Variants in IQCH observed in about 807,000 individuals in gnomAD.
The protein encoded by IQCH is IQ domain-containing protein H.
Under a neutral mutation model 117.0 loss-of-function variants are expected in IQCH, and 98 were observed. The observed-to-expected ratio is 0.84, with a 90% CI of 0.71 to 0.99. The LOEUF is 0.99. IQCH is among the 50% of genes least tolerant of loss of function. IQCH has a pLI of 0.00. For missense variants in IQCH, 1,102 were observed against 1,243.8 expected (o/e 0.89, Z 1.72); for synonymous variants, 412 against 448.2 (o/e 0.92, Z 1.02).
chr15:67,495,574 C>T lies in IQCH; in HGVS notation c.2970+1208C>T, dbSNP rs544862348. Among the ~76,000 whole-genome samples, 3 of 152,288 alleles carry T rather than the reference C, an allele frequency of 2.0e-5. No homozygotes were observed. In the South Asian group the frequency reaches 6.2e-4, roughly 32 times the overall value. On this transcript the variant is annotated intron_variant, in intron 20 of 20. Transcript: ENST00000335894. Reference sequence around the variant, plus strand: ...TTAGTGCCATGTGCAAAACTTTGAGCCTCTCTGCATTTCATCCATTCAGCC... The same window carrying T: ...TTAGTGCCATGTGCAAAACTTTGAGTCTCTCTGCATTTCATCCATTCAGCC...
intron 16 of IQCH, among the ~76,000 whole-genome samples, chr15:67,451,714 G>C (rs2064069553): frequency 6.6e-6 from 1 of 152,190 alleles, no homozygotes; most frequent in Non-Finnish European, 1.5e-5. Context: ...ATTTGGGGTG[G>C]AGAGTTCTGT....
intron 4 of IQCH, among the ~76,000 whole-genome samples, chr15:67,313,429 C>A (rs2140567780): frequency 6.6e-6 from 1 of 152,148 alleles, no homozygotes; most frequent in African/African-American, 2.4e-5. Flanking sequence ...TATGTGACTC[C>A]CAGATTAATG....
At chr15:67,377,056 G>T (rs1417108052) in intron 10 of IQCH, among the ~76,000 whole-genome samples, 2 of 149,656 alleles carry the variant, frequency 1.3e-5, no homozygotes, top group Non-Finnish European at 3.0e-5. Flanking sequence ...GGCGGAGGTT[G>T]CAGTGAGCCG....
intron 8 of IQCH, among the ~76,000 whole-genome samples, chr15:67,362,324 A>G (rs183960336): frequency 4.6e-4 from 70 of 152,282 alleles, no homozygotes; most frequent in Middle Eastern, 3.4e-3. Flanking sequence ...GAAGAAAAAT[A>G]TAAAAGAAAA....
intron 16 of IQCH, among the ~76,000 whole-genome samples, chr15:67,448,976 G>A (rs1596398789): frequency 1.3e-5 from 2 of 152,324 alleles, no homozygotes; most frequent in South Asian, 4.1e-4. Context: ...GATGGCCAGT[G>A]ATGATGAGCA....
chr15:67,374,563 C>T (rs1970674239), intron 10 of IQCH, among the ~76,000 whole-genome samples: 1 of 152,086 alleles, frequency 6.6e-6, no homozygotes, highest in African/African-American at 2.4e-5. Flanking sequence ...GCAATCTTTT[C>T]TAGACTCTGG....
At chr15:67,377,129 A>G (rs1003129794) in intron 10 of IQCH, among the ~76,000 whole-genome samples, 1 of 151,152 alleles carries the variant, frequency 6.6e-6, no homozygotes, top group African/African-American at 2.4e-5. Context: ...AAAAAAAAAA[A>G]AAGAAAAAAA....
intron 6 of IQCH, among the ~76,000 whole-genome samples, chr15:67,351,753 A>G (rs908871379): frequency 6.6e-6 from 1 of 152,194 alleles, no homozygotes; most frequent in Non-Finnish European, 1.5e-5. Flanking sequence ...GCTTTTTAGC[A>G]TAAATAGCAT....
chr15:67,385,819 T>C lies in IQCH; in HGVS notation c.1456+800T>C, dbSNP rs1205346186. Among the ~76,000 whole-genome samples, 1 of 152,218 alleles carries C rather than the reference T, an allele frequency of 6.6e-6. No individual in the cohort carries two copies. Among genetic ancestry groups the C allele is most frequent in the African/African-American group, 2.4e-5 (1 of 41,464 alleles). The stretch of plus-strand genomic sequence containing the variant: ...TTGTATTAGTTACCAAATAAGAACT[T>C]CTTTGCTTTGTTAAAATACAATTTC... On this transcript the variant is annotated intron_variant, in intron 11 of 20. Coordinates refer to ENST00000335894, the MANE Select transcript of IQCH (RefSeq NM_001031715.3). This position sits in a 1 kb window ranked among gnomAD's most constrained non-coding sequence, Gnocchi z 4.6.
rs1425369345 is a variant in IQCH, at chr15:67,413,916, T to C, written c.2098-3015T>C. ...AAGCGTCAAAGCAGAATGGCTGGCT[T>C]TGTGATCAGAGGCGGTGGCAGAAGC... On this transcript the variant is annotated intron_variant, in intron 14 of 20. Coordinates refer to ENST00000335894, the MANE Select transcript of IQCH (RefSeq NM_001031715.3). The surrounding 1 kb of genome is among the most constrained non-coding windows in gnomAD (Gnocchi z 5.0). Among the ~76,000 whole-genome samples the C allele has an allele frequency of 6.6e-6, 1 of 152,138 alleles. No homozygotes were observed. The highest frequency in any genetic ancestry group is 2.4e-5 in the African/African-American group (1 of 41,438).
intron 5 of IQCH, among the ~76,000 whole-genome samples, chr15:67,339,675 C>A (rs546569889): frequency 9.2e-5 from 14 of 152,284 alleles, no homozygotes; most frequent in African/African-American, 3.4e-4. Context: ...TATTCTAAAA[C>A]TTAAAAAAAT....
At chr15:67,275,019 A>G (rs148467642) in intron 3 of IQCH, among the ~76,000 whole-genome samples, 1,613 of 152,272 alleles carry the variant, frequency 0.011, 17 homozygotes, top group Middle Eastern at 0.041. Context: ...TGTGGAACAT[A>G]CTTTCTACAG....
At chr15:67,262,088 CA>C (rs34871379) in intron 2 of IQCH, among the ~76,000 whole-genome samples, 2,235 of 147,140 alleles carry the variant, frequency 0.015, 54 homozygotes, top group African/African-American at 0.049. Flanking sequence ...GACTCTGTCT[CA>C]AAAAAAAAAA....
chr15:67,334,313 G>A (rs1968797635), intron 4 of IQCH, among the ~76,000 whole-genome samples: 1 of 152,060 alleles, frequency 6.6e-6, no homozygotes, highest in African/African-American at 2.4e-5. Flanking sequence ...CATAAAGCTG[G>A]TTTCTTTAAT....
intron 6 of IQCH, among the ~76,000 whole-genome samples, chr15:67,351,379 TG>T (rs1969656687): frequency 6.6e-6 from 1 of 152,198 alleles, no homozygotes; most frequent in Admixed American, 6.5e-5. Flanking sequence ...CTGAAGGTGA[TG>T]GTTTGAATAG....
chr15:67,399,988 G>T (rs1971589811), intron 13 of IQCH, 126 bp from the exon 14 acceptor site: 1 of 674,944 alleles, frequency 1.5e-6, no homozygotes, highest in Non-Finnish European at 2.5e-6. Context: ...ATAACTAGAA[G>T]ATAACCAAAT....
chr15:67,429,472 C>T lies in IQCH; in HGVS notation c.2505+7895C>T, dbSNP rs1055137716. On this transcript the variant is annotated intron_variant, in intron 16 of 20. Transcript: ENST00000335894. ...GATTGAGGCTGCAGTGAGCCATGAT[C>T]GTGCCACTGCACTCCAGCTTGAGCA... 3.9e-5 allele frequency among the ~76,000 whole-genome samples: 6 copies of T among 152,250 alleles called. No homozygotes were observed. In the East Asian group the frequency reaches 9.6e-4, roughly 24 times the overall value.
At position 67,459,434 on chromosome 15, in the gene IQCH, C is replaced by T. The variant is rs1405363313; in HGVS notation, c.2506-5693C>T. On this transcript the variant is annotated intron_variant, in intron 16 of 20. Coordinates refer to ENST00000335894, the MANE Select transcript of IQCH (RefSeq NM_001031715.3). The surrounding 1 kb of genome is among the most constrained non-coding windows in gnomAD (Gnocchi z 4.2). ...TGTAGGGCCTGAGCACATCTGCCCA[C>T]ATCTGCGTGCTCTGCCACCCATTCA... Among the ~76,000 whole-genome samples, 2 of 152,200 alleles carry T rather than the reference C, an allele frequency of 1.3e-5. No individual in the cohort carries two copies. The highest frequency in any genetic ancestry group is 4.8e-5 in the African/African-American group (2 of 41,456).
intron 12 of IQCH, among the ~76,000 whole-genome samples, chr15:67,389,275 G>A (rs1971205339): frequency 6.6e-6 from 1 of 152,154 alleles, no homozygotes; most frequent in South Asian, 2.1e-4. Context: ...TTTATAACAT[G>A]TACCATTCCT....
Sources: allele counts gnomAD v4.1 joint callset (sites outside exome capture counted in the v4.1 genomes callset), GRCh38; gene constraint gnomAD v4.1.1; non-coding constraint Gnocchi (gnomAD v3.1); transcripts MANE v1.5; gene names NCBI Gene and HGNC (gene_info 2026-07-23, HGNC 2026-07-21).